Variants in CARMIL1 observed in about 807,000 individuals in gnomAD.
CARMIL1 encodes capping protein regulator and myosin 1 linker 1, also known as F-actin-uncapping protein LRRC16A.
A neutral mutation model predicts 177.1 loss-of-function variants in CARMIL1; 90 were observed. The ratio of observed to expected loss-of-function variants is 0.51; its 90% confidence interval spans 0.43 to 0.61. The LOEUF is 0.61. Among genes scored for constraint, CARMIL1 ranks in the 20% least tolerant of loss-of-function variants. The probability of loss-of-function intolerance (pLI) is 0.00; values close to 1 mark genes in which losing one functional copy is unlikely to be tolerated. For missense variants in CARMIL1, 1,380 were observed against 1,667.0 expected, an observed-to-expected ratio of 0.83 and a Z score of 3.00; for synonymous variants, 577 against 606.2, an observed-to-expected ratio of 0.95 and a Z score of 0.71.
At chr6:25,413,447 T>C (rs1405510443) in intron 2 of CARMIL1, among the ~76,000 whole-genome samples, 1 of 152,236 alleles carries the variant, frequency 6.6e-6, no homozygotes, top group Non-Finnish European at 1.5e-5. Flanking sequence ...AGATGGTATG[T>C]ATTTATTTCA....
intron 8 of CARMIL1, among the ~76,000 whole-genome samples, chr6:25,452,819 A>C (rs1437700025): frequency 6.6e-6 from 1 of 152,248 alleles, no homozygotes; most frequent in Non-Finnish European, 1.5e-5. Context: ...GTAGTTAGGA[A>C]GTATTTTCAA....
chr6:25,392,720 G>A (rs989386100), intron 2 of CARMIL1, among the ~76,000 whole-genome samples: 9 of 152,204 alleles, frequency 5.9e-5, no homozygotes, highest in Non-Finnish European at 1.3e-4. Context: ...GTATCCACGT[G>A]TAGGAAATAT....
chr6:25,444,423 A>T (rs1798035419), intron 5 of CARMIL1, among the ~76,000 whole-genome samples: 1 of 151,668 alleles, frequency 6.6e-6, no homozygotes. Context: ...TGTGCACAAC[A>T]TGCAGGTTTG....
chr6:25,373,310 T>C (rs1790611159), intron 2 of CARMIL1, among the ~76,000 whole-genome samples: 1 of 152,046 alleles, frequency 6.6e-6, no homozygotes, highest in South Asian at 2.1e-4. Context: ...TTCTCAACCT[T>C]TTGGAATAGT....
At chr6:25,526,565 T>C (rs1298804050) in intron 23 of CARMIL1, among the ~76,000 whole-genome samples, 4 of 151,694 alleles carry the variant, frequency 2.6e-5, no homozygotes, top group South Asian at 2.1e-4. Context: ...TTTTTTTTTT[T>C]CTTCTGAGAC....
At chr6:25,513,984 C>A (rs1805709035) in intron 20 of CARMIL1, among the ~76,000 whole-genome samples, 5 of 152,162 alleles carry the variant, frequency 3.3e-5, no homozygotes, top group Admixed American at 3.3e-4. Flanking sequence ...ACCTGGAATT[C>A]TTAACCCCAC....
At chr6:25,501,798 C>G (rs1164414243) in intron 17 of CARMIL1, among the ~76,000 whole-genome samples, 2 of 152,000 alleles carry the variant, frequency 1.3e-5, no homozygotes, top group African/African-American at 4.8e-5. Flanking sequence ...CAAGCCAGTA[C>G]TAAATATTGA....
chr6:25,586,737 G>A (rs1244105381), intron 31 of CARMIL1, among the ~76,000 whole-genome samples: 3 of 152,134 alleles, frequency 2.0e-5, no homozygotes, highest in African/African-American at 7.2e-5. Flanking sequence ...CAGATCACTC[G>A]CGGTCAGGAG....
intron 12 of CARMIL1, among the ~76,000 whole-genome samples, chr6:25,482,679 A>G (rs1373658617): frequency 6.6e-6 from 1 of 152,152 alleles, no homozygotes; most frequent in Non-Finnish European, 1.5e-5. Context: ...TGGTTCAACA[A>G]GTTGGCCTTT....
At chr6:25,371,350 G>A (rs1019381741) in intron 2 of CARMIL1, among the ~76,000 whole-genome samples, 1 of 152,154 alleles carries the variant, frequency 6.6e-6, no homozygotes, top group Non-Finnish European at 1.5e-5. Context: ...CATAGAGGTT[G>A]TACTAATTTA....
rs1227343027 is a variant in CARMIL1 at position 25,401,528 on chromosome 6, C to T, written c.139-18586C>T. Among the ~76,000 whole-genome samples the T allele has an allele frequency of 2.6e-5, 4 of 152,172 alleles. No homozygotes were observed. In the East Asian group the frequency reaches 5.8e-4, roughly 22 times the overall value. ...TTTCCTGGGACTCAGTTTCCTCATT[C>T]TCAAAGAAGGAATTTAACTGATGAA... On this transcript the variant is annotated intron_variant, in intron 2 of 36. Coordinates refer to ENST00000329474, the MANE Select transcript of CARMIL1 (RefSeq NM_017640.6).
At chr6:25,448,212 A>G (rs139552922) in intron 5 of CARMIL1, among the ~76,000 whole-genome samples, 41 of 152,274 alleles carry the variant, frequency 2.7e-4, no homozygotes, top group African/African-American at 8.7e-4. Flanking sequence ...CCATCTAATC[A>G]TCACGTACTC....
At chr6:25,578,579 A>G (rs1337989926) in intron 29 of CARMIL1, among the ~76,000 whole-genome samples, 1 of 152,198 alleles carries the variant, frequency 6.6e-6, no homozygotes, top group African/African-American at 2.4e-5. Context: ...GAAAAGTAAT[A>G]AAAATATGGG....
chr6:25,323,646 T>C (rs2143023), intron 2 of CARMIL1, among the ~76,000 whole-genome samples: 41,989 of 152,036 alleles, frequency 0.28, 6,260 homozygotes, highest in East Asian at 0.4. Context: ...TGGTTGCAAA[T>C]ATTTCTGAAA....
Position 25,279,736 on chromosome 6 carries a change from G to A in CARMIL1, c.-60G>A. The A allele has an allele frequency of 6.5e-7, 1 of 1,540,162 alleles. No individual in the cohort carries two copies. The highest frequency in any genetic ancestry group is 1.1e-5 in the South Asian group (1 of 89,520). Reference sequence around the variant, plus strand: ...TAAAAAAATTGAGGAGTTCGGGGAAGGGCAGGGGGCCATAAATCAGAGTTG... The same window carrying A: ...TAAAAAAATTGAGGAGTTCGGGGAAAGGCAGGGGGCCATAAATCAGAGTTG... On this transcript the variant is annotated 5_prime_UTR_variant, in exon 1 of 37. Coordinates refer to ENST00000329474, the MANE Select transcript of CARMIL1 (RefSeq NM_017640.6).
At chr6:25,291,179 A>C (rs906645459) in intron 2 of CARMIL1, among the ~76,000 whole-genome samples, 2 of 152,126 alleles carry the variant, frequency 1.3e-5, no homozygotes, top group South Asian at 4.1e-4. Flanking sequence ...TCTTAATTAG[A>C]CTGGATTGGA....
intron 28 of CARMIL1, among the ~76,000 whole-genome samples, chr6:25,555,157 AAGAT>A (rs912651217): frequency 1.2e-4 from 19 of 152,198 alleles, no homozygotes; most frequent in Non-Finnish European, 1.8e-4. Context: ...AGCACCAAAA[AAGAT>A]AGAGTATCCA....
intron 12 of CARMIL1, among the ~76,000 whole-genome samples, chr6:25,488,133 C>A (rs912730383): frequency 6.6e-6 from 1 of 152,190 alleles, no homozygotes; most frequent in Non-Finnish European, 1.5e-5. Context: ...TCAAGAATCA[C>A]CTGGCAGGAT....
rs1803025357 is a variant in CARMIL1, at chr6:25,489,864, C to A, written c.1065+1279C>A. The stretch of plus-strand genomic sequence containing the variant: ...GACAGTTCATAAATCTGCTCCCCCC[C>A]AAAATAAAACAAGGCCAATGTGACA... On this transcript the variant is annotated intron_variant, in intron 13 of 36. Coordinates refer to ENST00000329474, the MANE Select transcript of CARMIL1 (RefSeq NM_017640.6). Among the ~76,000 whole-genome samples the A allele has an allele frequency of 2.6e-5, 4 of 151,996 alleles. No homozygotes were observed. In the South Asian group the frequency reaches 8.3e-4, roughly 32 times the overall value.
Sources: allele counts gnomAD v4.1 joint callset (sites outside exome capture counted in the v4.1 genomes callset), GRCh38; gene constraint gnomAD v4.1.1; transcripts MANE v1.5; gene names NCBI Gene and HGNC (gene_info 2026-07-23, HGNC 2026-07-21).